Variants in CCDC28A observed in about 807,000 individuals in gnomAD.
The protein encoded by CCDC28A is coiled-coil domain-containing protein 28A.
A neutral mutation model predicts 22.1 loss-of-function variants in CCDC28A; 24 were observed. The observed-to-expected ratio is 1.09, with a 90% CI of 0.79 to 1.53. The LOEUF (loss-of-function observed/expected upper bound fraction) is 1.53. CCDC28A is among the 40% of genes most tolerant of loss of function. The pLI, the probability that CCDC28A is intolerant of heterozygous loss-of-function variation, is 0.00. For synonymous variants in CCDC28A, 83 were observed against 74.7 expected (o/e 1.11, Z -0.57); for missense variants, 170 against 210.7 (o/e 0.81, Z 1.20).
chr6:138,789,714 A>G (rs1775142779), intron 5 of CCDC28A, among the ~76,000 whole-genome samples: 1 of 152,028 alleles, frequency 6.6e-6, no homozygotes, highest in African/African-American at 2.4e-5. Flanking sequence ...AATCCCAGCT[A>G]CTTGGGAGGC....
chr6:138,784,014 A>C (rs750755562), intron 3 of CCDC28A, among the ~76,000 whole-genome samples: 16 of 151,318 alleles, frequency 1.1e-4, no homozygotes, highest in Non-Finnish European at 1.9e-4. Context: ...AGTAGCTGGG[A>C]TTACAGGCAC....
At chr6:138,781,684 G>A (rs1019215867) in intron 3 of CCDC28A, among the ~76,000 whole-genome samples, 1 of 152,058 alleles carries the variant, frequency 6.6e-6, no homozygotes, top group Non-Finnish European at 1.5e-5. Context: ...TTGTTTGATA[G>A]GTCCTTTTCA....
In CCDC28A at chr6:138,788,109, C is replaced by T. The variant is rs549008825; in HGVS notation, c.478-257C>T. 2.2e-4 allele frequency among the ~76,000 whole-genome samples: 33 copies of T among 151,404 alleles called. 1 individual carries two copies. In the East Asian group the frequency reaches 5.3e-3, roughly 24 times the overall value. On this transcript the variant is annotated intron_variant, in intron 4 of 5. Coordinates refer to ENST00000617445, the MANE Select transcript of CCDC28A (RefSeq NM_015439.3). Reference sequence around the variant, plus strand: ...CCTAAGTAGCTGGACCTCACGTGTGCGTCACCACGCCTGTCTAATTTTTTT... The same window carrying T: ...CCTAAGTAGCTGGACCTCACGTGTGTGTCACCACGCCTGTCTAATTTTTTT...
chr6:138,778,293 C>T (rs1396647134), intron 2 of CCDC28A, among the ~76,000 whole-genome samples: 1 of 152,090 alleles, frequency 6.6e-6, no homozygotes, highest in Non-Finnish European at 1.5e-5. Flanking sequence ...TTGTAGTGTG[C>T]ATTGGGTTAT....
chr6:138,776,338 A>G, intron 2 of CCDC28A, 60 bp downstream of exon 2: 3 of 1,358,608 alleles, frequency 2.2e-6, no homozygotes, highest in East Asian at 2.3e-5. Context: ...TCCTGACTCA[A>G]CTTCTTCTTA....
intron 3 of CCDC28A, among the ~76,000 whole-genome samples, chr6:138,781,686 T>G (rs1452188951): frequency 6.6e-6 from 1 of 152,174 alleles, no homozygotes; most frequent in Non-Finnish European, 1.5e-5. Context: ...GTTTGATAGG[T>G]CCTTTTCAGG....
At chr6:138,791,817 G>A (rs1029485760) in intron 5 of CCDC28A, among the ~76,000 whole-genome samples, 6 of 152,240 alleles carry the variant, frequency 3.9e-5, no homozygotes, top group Middle Eastern at 3.4e-3. Flanking sequence ...CCTTCCAATT[G>A]GACAAGAATG....
At chr6:138,791,148 G>T (rs1429667530) in intron 5 of CCDC28A, among the ~76,000 whole-genome samples, 1 of 152,136 alleles carries the variant, frequency 6.6e-6, no homozygotes, top group African/African-American at 2.4e-5. Context: ...GCAGTGACAT[G>T]ATCATGGCTC....
intron 5 of CCDC28A, among the ~76,000 whole-genome samples, chr6:138,790,057 C>T (rs1343844803): frequency 6.6e-6 from 1 of 152,158 alleles, no homozygotes; most frequent in Non-Finnish European, 1.5e-5. Context: ...AATCAAGGGG[C>T]TTTTCCTGCA....
chr6:138,783,685 G>A (rs147187828), intron 3 of CCDC28A, among the ~76,000 whole-genome samples: 2,568 of 151,736 alleles, frequency 0.017, 60 homozygotes, highest in African/African-American at 0.053. Context: ...TGATCCACCC[G>A]CCTCGGCCTC....
At chr6:138,786,536 A>G (rs1775095459) in intron 4 of CCDC28A, among the ~76,000 whole-genome samples, 1 of 152,200 alleles carries the variant, frequency 6.6e-6, no homozygotes, top group Non-Finnish European at 1.5e-5. Flanking sequence ...TTGTATGCCA[A>G]TACTTTCACT....
At chr6:138,785,520 G>A (rs946218947) in intron 4 of CCDC28A, 139 bp downstream of exon 4, 23 of 618,178 alleles carry the variant, frequency 3.7e-5, no homozygotes, top group Middle Eastern at 2.6e-4. Context: ...GTTGAATTGC[G>A]GAACACGTTC....
intron 5 of CCDC28A, among the ~76,000 whole-genome samples, chr6:138,791,695 T>G (rs1439644214): frequency 6.6e-6 from 1 of 152,230 alleles, no homozygotes; most frequent in Non-Finnish European, 1.5e-5. Context: ...CTTGTTCTCC[T>G]TATCACGTTA....
chr6:138,789,231 A>C (rs1057362884), intron 5 of CCDC28A, among the ~76,000 whole-genome samples: 2 of 152,212 alleles, frequency 1.3e-5, no homozygotes, highest in African/African-American at 4.8e-5. Flanking sequence ...ACAATGAGAA[A>C]TGATCCTGCC....
intron 3 of CCDC28A, 44 bp downstream of exon 3, chr6:138,780,029 T>C (rs1275490736): frequency 1.4e-6 from 2 of 1,429,924 alleles, no homozygotes; most frequent in Non-Finnish European, 1.9e-6. Context: ...TCTAAGATGT[T>C]TGCATCCTGT....
chr6:138,782,586 T>C (rs1775036428), intron 3 of CCDC28A, among the ~76,000 whole-genome samples: 1 of 152,248 alleles, frequency 6.6e-6, no homozygotes, highest in Non-Finnish European at 1.5e-5. Flanking sequence ...TTTATATTTT[T>C]ACTGTACATT....
chr6:138,782,563 T>G (rs578170689), intron 3 of CCDC28A, among the ~76,000 whole-genome samples: 1 of 152,368 alleles, frequency 6.6e-6, no homozygotes, highest in East Asian at 1.9e-4. Context: ...TTTTCCCATA[T>G]GATTTCTACC....
At chr6:138,788,204 TC>T (rs1775121507) in intron 4 of CCDC28A, among the ~76,000 whole-genome samples, 161 bp from the exon 5 acceptor site, 1 of 152,054 alleles carries the variant, frequency 6.6e-6, no homozygotes, top group South Asian at 2.1e-4. Context: ...CAAGCAGTTC[TC>T]CCGCCTTGGC....
intron 4 of CCDC28A, among the ~76,000 whole-genome samples, chr6:138,785,591 A>C (rs1775084463): frequency 6.6e-6 from 1 of 152,170 alleles, no homozygotes; most frequent in South Asian, 2.1e-4. Context: ...GCAACCCCTA[A>C]TCTACTTTCT....
Sources: allele counts gnomAD v4.1 joint callset (sites outside exome capture counted in the v4.1 genomes callset), GRCh38; gene constraint gnomAD v4.1.1; transcripts MANE v1.5; gene names NCBI Gene and HGNC (gene_info 2026-07-23, HGNC 2026-07-21).